Variants in SH3BP1 observed in about 807,000 individuals in gnomAD.
SH3BP1 encodes the protein SH3 domain binding protein 1.
SH3BP1 carries 46 observed loss-of-function variants against 69.8 expected under a neutral mutation model. The ratio of observed to expected loss-of-function variants is 0.66; its 90% CI spans 0.52 to 0.84. The LOEUF (loss-of-function observed/expected upper bound fraction) is 0.84, where lower values mean the gene tolerates loss of function less well. Among genes scored for constraint, SH3BP1 ranks in the 40% least tolerant of loss-of-function variants. SH3BP1 has a pLI of 0.00. For missense variants in SH3BP1, 868 were observed against 930.9 expected (o/e 0.93, Z 0.88); for synonymous variants, 403 against 378.0 (o/e 1.07, Z -0.77).
chr22:37,640,192 T>C (rs755371175), intron 1 of SH3BP1, among the ~76,000 whole-genome samples: 24 of 151,962 alleles, frequency 1.6e-4, no homozygotes, highest in Non-Finnish European at 3.4e-4. Flanking sequence ...CTCTGGACAA[T>C]GGGACAGTTC....
In SH3BP1 at chr22:37,645,436, G is replaced by A. The variant is rs538215145; in HGVS notation, c.850G>A (p.Glu284Lys). The A allele has an allele frequency of 4.3e-6, 7 of 1,613,922 alleles. No homozygotes were observed. In the African/African-American group the frequency reaches 9.3e-5, roughly 22 times the overall value. ...YGVSLATHLQELGREIALPIE... is the reference protein window; with the variant it reads ...YGVSLATHLQKLGREIALPIE... ...GGTGTCGCTGGCAACCCACCTGCAA[G>A]AGCTGGGCCGGGAGATTGCCCTGCC... The change falls in exon 10 of 18, where the codon GAG becomes AAG. Residue 284 changes from glutamate to lysine, a missense_variant. By Grantham distance (56) the Glu-to-Lys change is moderately conservative (BLOSUM62 1). Around this residue, in one of 3 missense-constraint regions of SH3BP1, gnomAD observed 387 missense variants for 447.9 expected, o/e 0.86. Coordinates refer to ENST00000649765, the MANE Select transcript of SH3BP1 (RefSeq NM_018957.6).
chr22:37,643,985 CTT>C (rs1193777520), intron 7 of SH3BP1, among the ~76,000 whole-genome samples, 197 bp downstream of exon 7: 1 of 152,234 alleles, frequency 6.6e-6, no homozygotes, highest in Admixed American at 6.5e-5. Context: ...AAGGCAGAGA[CTT>C]GGTCTGTTCC....
intron 16 of SH3BP1, among the ~76,000 whole-genome samples, chr22:37,651,662 G>C (rs904728427): frequency 1.3e-5 from 2 of 152,002 alleles, no homozygotes; most frequent in African/African-American, 4.8e-5. Context: ...AAATCTGGAA[G>C]GGCTTCGTGG....
chr22:37,641,531 TG>T, intron 3 of SH3BP1, 53 bp downstream of exon 3: 1 of 1,433,022 alleles, frequency 7.0e-7, no homozygotes. Context: ...TTCCATCCAA[TG>T]GGGAAGCAAG....
At chr22:37,647,813 C>T (rs551507136) in intron 13 of SH3BP1, among the ~76,000 whole-genome samples, 3 of 152,078 alleles carry the variant, frequency 2.0e-5, no homozygotes, top group African/African-American at 7.2e-5. Context: ...GTAGCTAGGA[C>T]TACAGGCGCC....
chr22:37,643,495 C>G, intron 6 of SH3BP1, 149 bp from the exon 7 acceptor site: 1 of 1,158,328 alleles, frequency 8.6e-7, no homozygotes, highest in South Asian at 1.5e-5. Context: ...GCACTCATGG[C>G]CCAGCCTGGG....
At chr22:37,648,477 GATCCC>G (rs1231325683) in intron 14 of SH3BP1, 42 bp downstream of exon 14, 1 of 1,317,932 alleles carries the variant, frequency 7.6e-7, no homozygotes, top group South Asian at 1.3e-5. Context: ...GAGGAAGGCA[GATCCC>G]ATCCCAACTA....
chr22:37,641,425 C>A lies in SH3BP1; in HGVS notation c.154C>A (p.Arg52=). The change falls in exon 3 of 18, where the codon CGG becomes AGG. Residue 52 remains arginine, a synonymous_variant. Coordinates refer to ENST00000649765, the MANE Select transcript of SH3BP1 (RefSeq NM_018957.6). The stretch of plus-strand genomic sequence containing the variant: ...GCGGGCAGCCCACAACATCCACAAG[C>A]GGCTGCAGGCCTGTCTGCAGGGCCA... ...AKRAAHNIHK[R]LQACLQGQSG... 1.3e-6 allele frequency: 2 copies of A among 1,551,124 alleles called. No individual in the cohort carries two copies. Among genetic ancestry groups the A allele is most frequent in the Non-Finnish European group, 1.7e-6 (2 of 1,147,122 alleles).
At chr22:37,644,292 T>C (rs939284616) in intron 7 of SH3BP1, among the ~76,000 whole-genome samples, 1 of 152,034 alleles carries the variant, frequency 6.6e-6, no homozygotes, top group East Asian at 1.9e-4. Flanking sequence ...GGCAGGAGAA[T>C]CGCTTGAGCC....
At position 37,655,987 on chromosome 22, in the gene SH3BP1, T is replaced by A; in HGVS notation, c.*303T>A. ...CCTGCTCCTACGGGACTGATTCTTC[T>A]CTTGCCGACATGTTTTTTGTAAGGC... On this transcript the variant is annotated 3_prime_UTR_variant, in exon 18 of 18. Coordinates refer to ENST00000649765, the MANE Select transcript of SH3BP1 (RefSeq NM_018957.6). The A allele has an allele frequency of 6.6e-7, 1 of 1,514,236 alleles. No individual in the cohort carries two copies. The highest frequency in any genetic ancestry group is 8.9e-7 in the Non-Finnish European group (1 of 1,126,398). 93.8% of individuals were successfully genotyped at this position (1,514,236 alleles called of 1,614,324 possible). A position where few individuals can be genotyped will look rare whatever the true frequency, so the allele number is the denominator to read the frequency against.
chr22:37,655,771 G>T lies in SH3BP1; in HGVS notation c.*87G>T, dbSNP rs79186571. On this transcript the variant is annotated 3_prime_UTR_variant, in exon 18 of 18. Coordinates refer to ENST00000649765, the MANE Select transcript of SH3BP1 (RefSeq NM_018957.6). ...GACAGCTCTCGCCCCCCACAAAGGGGCATGGGCCTCCAGCCTTTGCCCACA... is the reference window on the plus strand; with the variant it reads ...GACAGCTCTCGCCCCCCACAAAGGGTCATGGGCCTCCAGCCTTTGCCCACA... 1.4e-6 allele frequency: 2 copies of T among 1,446,962 alleles called. No individual in the cohort carries two copies. Among genetic ancestry groups the T allele is most frequent in the African/African-American group, 2.9e-5 (2 of 69,972 alleles). 89.6% of individuals were successfully genotyped at this position (1,446,962 alleles called of 1,614,324 possible). A position where few individuals can be genotyped will look rare whatever the true frequency, so the allele number is the denominator to read the frequency against.
intron 10 of SH3BP1, among the ~76,000 whole-genome samples, chr22:37,645,942 C>T (rs1429218367): frequency 6.6e-6 from 1 of 151,366 alleles, no homozygotes; most frequent in Non-Finnish European, 1.5e-5. Context: ...TGTGCTGGGG[C>T]CTCCTTTCTC....
Position 37,655,374 on chromosome 22 carries a change from C to T in SH3BP1, c.1796C>T (p.Pro599Leu), listed in dbSNP as rs1932995342. 6.9e-7 allele frequency: 1 copy of T among 1,455,040 alleles called. No individual in the cohort carries two copies. The highest frequency in any genetic ancestry group is 1.5e-5 in the African/African-American group (1 of 68,606). 90.1% of individuals were successfully genotyped at this position (1,455,040 alleles called of 1,614,324 possible). A position where few individuals can be genotyped will look rare whatever the true frequency, so the allele number is the denominator to read the frequency against. Residue 599 changes from proline (P) to leucine (L), a missense_variant, in exon 18 of 18, where the codon CCT (proline) becomes CTT (leucine). Pro to Leu is a moderately conservative substitution (Grantham distance 98). Around this residue, in one of 3 missense-constraint regions of SH3BP1, gnomAD observed 474 missense variants for 462.3 expected, o/e 1.03. Coordinates refer to ENST00000649765, the MANE Select transcript of SH3BP1 (RefSeq NM_018957.6). ...APPLPPGSGS[P>L]GTPQALPRRL... The stretch of plus-strand genomic sequence containing the variant: ...CCCTTGCCCCCTGGCTCTGGCAGCC[C>T]TGGGACCCCCCAAGCCCTGCCCCGA...
At chr22:37,646,997 C>T in intron 11 of SH3BP1, 68 bp downstream of exon 11, 1 of 1,052,162 alleles carries the variant, frequency 9.5e-7, no homozygotes, top group Non-Finnish European at 1.3e-6. Context: ...GAAACGATCC[C>T]AAGATAGCCT....
chr22:37,646,756 C>T (rs1932791492), intron 10 of SH3BP1, 62 bp from the exon 11 acceptor site: 8 of 1,040,870 alleles, frequency 7.7e-6, no homozygotes, highest in Non-Finnish European at 1.1e-5. Flanking sequence ...GCTACAAGTG[C>T]GCCAGGGTGT....
rs965416046 is a variant in SH3BP1, at chr22:37,647,474, C to T, written c.1152C>T (p.Leu384=). 2 of 1,610,182 alleles carry T rather than the reference C, an allele frequency of 1.2e-6. No individual in the cohort carries two copies. The highest frequency in any genetic ancestry group is 1.7e-5 in the Admixed American group (1 of 59,934). ...LKEPGARLQA[L]QEVCSRLPPE... is the part of the protein sequence containing the mutation. ...AGCCAGGGGCCCGGCTGCAGGCCCT[C>T]CAAGAGGTGTGCAGCCGCCTACCCC... is the stretch of plus-strand genomic sequence containing the variant. Residue 384 remains leucine, a synonymous_variant, in exon 13 of 18, where the codon CTC becomes CTT. Transcript: ENST00000649765.
chr22:37,655,281 C>A lies in SH3BP1; in HGVS notation c.1703C>A (p.Pro568Gln). 6.3e-6 allele frequency: 10 copies of A among 1,581,832 alleles called. No individual in the cohort carries two copies. The highest frequency in any genetic ancestry group is 1.1e-5 in the South Asian group (1 of 88,804). ...TTTCCTTCCTCAACAGCCAAGCGCCCGGCGCCAGCCCGGCCCACCATGCCG... is the reference window on the plus strand; with the variant it reads ...TTTCCTTCCTCAACAGCCAAGCGCCAGGCGCCAGCCCGGCCCACCATGCCG... Reference protein sequence around the residue: ...VEDMARRTKRPAPARPTMPPP... With the variant: ...VEDMARRTKRQAPARPTMPPP... The change falls in exon 18 of 18, where the codon CCG becomes CAG. Residue 568 changes from proline to glutamine, a missense_variant. Pro to Gln is a moderately conservative substitution (Grantham distance 76). Around this residue, in one of 3 missense-constraint regions of SH3BP1, gnomAD observed 474 missense variants for 462.3 expected, o/e 1.03. Coordinates refer to ENST00000649765, the MANE Select transcript of SH3BP1 (RefSeq NM_018957.6).
chr22:37,653,717 A>G, intron 16 of SH3BP1, 62 bp from the exon 17 acceptor site: 3 of 1,194,242 alleles, frequency 2.5e-6, no homozygotes, highest in Non-Finnish European at 3.7e-6. Context: ...GAGACTCCTC[A>G]GGATTCCATG....
intron 10 of SH3BP1, among the ~76,000 whole-genome samples, chr22:37,646,028 G>A (rs1244946715): frequency 1.0e-4 from 15 of 148,588 alleles, no homozygotes; most frequent in Non-Finnish European, 1.6e-4. Context: ...GTGCAGTGGC[G>A]TGATCTCGGC....
Sources: gnomAD v4.1 joint callset for allele counts (sites outside exome capture counted in the v4.1 genomes callset) on GRCh38, gnomAD v4.1.1 for gene constraint, gnomAD v4.1.1 regional missense constraint, MANE v1.5 for transcripts, NCBI Gene and HGNC (gene_info 2026-07-23, HGNC 2026-07-21) for gene names.